KDM4C: variants seen among roughly 807,000 people sequenced by gnomAD.
The protein encoded by KDM4C is lysine demethylase 4C, also known as lysine-specific demethylase 4C.
In KDM4C, 81 loss-of-function variants were observed where a neutral mutation model predicts 129.3. The observed-to-expected ratio is 0.63, with a 90% CI of 0.52 to 0.75. KDM4C has a LOEUF of 0.75. Among genes scored for constraint, KDM4C ranks in the 30% least tolerant of loss-of-function variants. The probability of loss-of-function intolerance (pLI) is 0.00; values close to 1 mark genes in which losing one functional copy is unlikely to be tolerated. For missense variants in KDM4C, 1,457 were observed against 1,304.0 expected (o/e 1.12, Z -1.81); for synonymous variants, 573 against 456.1 (o/e 1.26, Z -3.26).
chr9:6,733,325 A>G (rs1817412050), intron 1 of KDM4C, among the ~76,000 whole-genome samples: 1 of 152,204 alleles, frequency 6.6e-6, no homozygotes, highest in Non-Finnish European at 1.5e-5. Context: ...CTTATTTCTG[A>G]TGGGACCATC....
intron 15 of KDM4C, among the ~76,000 whole-genome samples, chr9:7,019,256 T>A (rs1824222850): frequency 6.6e-6 from 1 of 152,212 alleles, no homozygotes; most frequent in Admixed American, 6.5e-5. Flanking sequence ...ATTGCATTTT[T>A]AAAGTATCCT....
At chr9:6,885,038 CTTATT>C (rs1428327197) in intron 6 of KDM4C, among the ~76,000 whole-genome samples, 2 of 152,168 alleles carry the variant, frequency 1.3e-5, no homozygotes, top group African/African-American at 4.8e-5. Flanking sequence ...GTAAAATTCA[CTTATT>C]TTAAGAATAG....
chr9:6,896,423 G>C (rs1816444079), intron 8 of KDM4C, among the ~76,000 whole-genome samples: 2 of 151,692 alleles, frequency 1.3e-5, no homozygotes, highest in South Asian at 4.2e-4. Flanking sequence ...TGCAGAGTGT[G>C]GGGTCTGCAT....
intron 1 of KDM4C, among the ~76,000 whole-genome samples, chr9:6,733,447 G>A (rs1480431678): frequency 4.6e-5 from 7 of 152,326 alleles, no homozygotes; most frequent in South Asian, 2.1e-4. Context: ...CTCAGCAAGT[G>A]TGACCCTTTC....
At chr9:7,138,077 A>G (rs1587828910) in intron 19 of KDM4C, among the ~76,000 whole-genome samples, 1 of 152,230 alleles carries the variant, frequency 6.6e-6, no homozygotes, top group African/African-American at 2.4e-5. Flanking sequence ...GCATTATTAA[A>G]TAAATTATAA....
rs1190196127 is a variant in KDM4C at position 7,122,244 on chromosome 9, C to CACACAG, written c.2611-5817_2611-5816insGACACA. 2.0e-4 allele frequency among the ~76,000 whole-genome samples: 21 copies of CACACAG among 105,896 alleles called. No homozygotes were observed. In the South Asian group the frequency reaches 5.9e-3, roughly 30 times the overall value. The allele number at this position is 105,896 out of a possible 152,430, so 69.5% of individuals were successfully genotyped here. On this transcript the variant is annotated intron_variant, in intron 18 of 21. Transcript: ENST00000381309. Reference sequence around the variant, plus strand: ...AGAGATAGCAGTGGGAGATGCCACACACACACACACACACACACACACTCT... The same window carrying CACACAG: ...AGAGATAGCAGTGGGAGATGCCACACACACAGACACACACACACACACACACACTCT...
chr9:6,920,502 G>C (rs1234180405), intron 8 of KDM4C, among the ~76,000 whole-genome samples: 1 of 151,526 alleles, frequency 6.6e-6, no homozygotes, highest in Non-Finnish European at 1.5e-5. Flanking sequence ...GGTGCAGGTT[G>C]CAGTGAGCCG....
chr9:6,800,880 G>C (rs548224190), intron 2 of KDM4C, among the ~76,000 whole-genome samples: 1 of 152,102 alleles, frequency 6.6e-6, no homozygotes, highest in Admixed American at 6.6e-5. Context: ...CTCCAGCCTC[G>C]GCCTCCTGAA....
At chr9:7,118,508 G>A (rs973584438) in intron 18 of KDM4C, among the ~76,000 whole-genome samples, 1 of 152,154 alleles carries the variant, frequency 6.6e-6, no homozygotes. Flanking sequence ...AGAATAGTTT[G>A]TATTGATTTA....
intron 8 of KDM4C, among the ~76,000 whole-genome samples, chr9:6,961,270 T>G (rs1400875133): frequency 6.6e-6 from 1 of 152,202 alleles, no homozygotes; most frequent in Non-Finnish European, 1.5e-5. Context: ...CAGTGGTAAT[T>G]ATGGAGGACA....
chr9:6,896,996 A>G (rs996599574), intron 8 of KDM4C, among the ~76,000 whole-genome samples: 1 of 152,198 alleles, frequency 6.6e-6, no homozygotes, highest in Non-Finnish European at 1.5e-5. Context: ...ATTTGGGTAC[A>G]TTTGATTAGA....
At chr9:7,072,613 C>G (rs1156924851) in intron 17 of KDM4C, among the ~76,000 whole-genome samples, 2 of 152,114 alleles carry the variant, frequency 1.3e-5, no homozygotes, top group Non-Finnish European at 2.9e-5. Context: ...GGGCCTTATG[C>G]ATGGGTGGAG....
At chr9:7,122,673 T>C (rs1839631585) in intron 18 of KDM4C, among the ~76,000 whole-genome samples, 1 of 152,244 alleles carries the variant, frequency 6.6e-6, no homozygotes, top group Admixed American at 6.5e-5. Context: ...GAATTATTTA[T>C]GCTTTTATGG....
intron 4 of KDM4C, among the ~76,000 whole-genome samples, chr9:6,825,980 T>C (rs1588527432): frequency 6.6e-6 from 1 of 152,062 alleles, no homozygotes; most frequent in African/African-American, 2.4e-5. Flanking sequence ...CCAGCTAATT[T>C]TTTGTAGTTT....
chr9:7,104,791 G>T (rs1328759070), intron 18 of KDM4C, among the ~76,000 whole-genome samples: 1 of 152,192 alleles, frequency 6.6e-6, no homozygotes, highest in Non-Finnish European at 1.5e-5. Context: ...CTTCTCCTAT[G>T]TCCCTAATAA....
chr9:6,757,524 G>T, upstream of KDM4C: 1 of 654,194 alleles, frequency 1.5e-6, no homozygotes, highest in Non-Finnish European at 1.9e-6. Context: ...GGGAGAACGG[G>T]AACACAGCGC....
At chr9:7,052,910 T>TGAGAGATTGTTGTACAGTGGGGTGCTTTA (rs139147225) in intron 17 of KDM4C, among the ~76,000 whole-genome samples, 3,997 of 126,774 alleles carry the variant, frequency 0.032, 399 homozygotes, top group African/African-American at 0.091. Flanking sequence ...AGCGAGCGAG[T>TGAGAGATTGTTGTACAGTGGGGTGCTTTA]GCCCAAGGGA....
At chr9:6,972,174 A>C (rs1832096644) in intron 8 of KDM4C, among the ~76,000 whole-genome samples, 1 of 152,090 alleles carries the variant, frequency 6.6e-6, no homozygotes, top group Non-Finnish European at 1.5e-5. Flanking sequence ...ATCAAGAGAG[A>C]GACCTTGATC....
Position 7,103,912 on chromosome 9 carries a change from G to A in KDM4C, c.2610+42G>A, listed in dbSNP as rs553879000. 6.4e-6 allele frequency: 10 copies of A among 1,568,550 alleles called. No individual in the cohort carries two copies. The African/African-American group carries it at 6.8e-5, about 11-fold the overall frequency. On this transcript the variant is annotated intron_variant, in intron 18 of 21. Transcript: ENST00000381309. ...CTTCCTCAGTGCTAAGACCGTGTCT[G>A]GATTTTCTCCTGTTTTAGACTACCT...
Sources: allele counts gnomAD v4.1 joint callset (sites outside exome capture counted in the v4.1 genomes callset), GRCh38; gene constraint gnomAD v4.1.1; transcripts MANE v1.5; gene names NCBI Gene and HGNC (gene_info 2026-07-23, HGNC 2026-07-21).